RNF13: variants seen among roughly 807,000 people sequenced by gnomAD.
RNF13 encodes ring finger protein 13.
Under a neutral mutation model 37.7 loss-of-function variants are expected in RNF13, and 19 were observed. That is an observed-to-expected ratio of 0.50 (90% CI 0.35 to 0.74). The LOEUF is 0.74. Ranked by LOEUF, RNF13 falls within the 30% of genes least tolerant of loss-of-function variation. RNF13 has a pLI of 0.01. For missense variants in RNF13, 375 were observed against 453.0 expected (o/e 0.83, Z 1.56); for synonymous variants, 144 against 157.8 (o/e 0.91, Z 0.65).
intron 8 of RNF13, among the ~76,000 whole-genome samples, chr3:149,949,429 C>CT (rs76888636): frequency 0.026 from 3,541 of 136,652 alleles, 71 homozygotes; most frequent in African/African-American, 0.055. Context: ...TACTGGGTTG[C>CT]TTTTTTTTTT....
At chr3:149,834,075 T>C (rs1243149330) in intron 1 of RNF13, among the ~76,000 whole-genome samples, 1 of 152,166 alleles carries the variant, frequency 6.6e-6, no homozygotes, top group African/African-American at 2.4e-5. Context: ...GGAAGAATTG[T>C]ACACTGAAAA....
intron 8 of RNF13, among the ~76,000 whole-genome samples, chr3:149,927,287 G>A (rs1336063228): frequency 6.6e-6 from 1 of 152,172 alleles, no homozygotes; most frequent in East Asian, 1.9e-4. Flanking sequence ...TGTTTTCAAG[G>A]ATTATCGATG....
At chr3:149,868,059 C>A (rs973555530) in intron 3 of RNF13, among the ~76,000 whole-genome samples, 2 of 151,936 alleles carry the variant, frequency 1.3e-5, no homozygotes, top group African/African-American at 4.8e-5. Context: ...AAAAAATCTT[C>A]TACACTTTAA....
In RNF13 at chr3:149,858,768, A is replaced by G. The variant is rs1054657425; in HGVS notation, c.195+6172A>G. On this transcript the variant is annotated intron_variant, in intron 3 of 9. Transcript: ENST00000392894. Reference sequence around the variant, plus strand: ...AAGCAGTTTTTCTTATATGATGTATAATTTATTTCCCCTCATCATTATTCA... The same window carrying G: ...AAGCAGTTTTTCTTATATGATGTATGATTTATTTCCCCTCATCATTATTCA... Among the ~76,000 whole-genome samples, 8 of 152,176 alleles carry G rather than the reference A, an allele frequency of 5.3e-5. No individual in the cohort carries two copies. The East Asian group carries it at 1.5e-3, about 29-fold the overall frequency.
chr3:149,855,622 G>A (rs1394275734), intron 3 of RNF13, among the ~76,000 whole-genome samples: 2 of 150,804 alleles, frequency 1.3e-5, no homozygotes, highest in Non-Finnish European at 3.0e-5. Flanking sequence ...ATATGTGTGT[G>A]TATATATATA....
At chr3:149,825,294 A>G (rs989562861) in intron 1 of RNF13, among the ~76,000 whole-genome samples, 2 of 151,860 alleles carry the variant, frequency 1.3e-5, no homozygotes, top group Non-Finnish European at 2.9e-5. Context: ...CAGCCTCCTA[A>G]GTAGCCGGGA....
At chr3:149,921,459 A>G (rs1264117346) in intron 8 of RNF13, among the ~76,000 whole-genome samples, 3 of 148,052 alleles carry the variant, frequency 2.0e-5, no homozygotes, top group Admixed American at 2.0e-4. Flanking sequence ...CCAGCCCTCC[A>G]CCCCCCAACA....
chr3:149,851,763 C>T (rs969218254), intron 2 of RNF13: 1 of 152,132 alleles, frequency 6.6e-6, no homozygotes, highest in African/African-American at 2.4e-5. Context: ...AGGTTTCATC[C>T]ATTTCCCTTG....
intron 8 of RNF13, among the ~76,000 whole-genome samples, chr3:149,927,184 C>A (rs1157384658): frequency 6.6e-6 from 1 of 152,212 alleles, no homozygotes; most frequent in Admixed American, 6.5e-5. Context: ...CACCATTCTA[C>A]TTACTGTCTC....
intron 8 of RNF13, among the ~76,000 whole-genome samples, chr3:149,932,943 C>T (rs1375036873): frequency 6.6e-6 from 1 of 152,256 alleles, no homozygotes; most frequent in African/African-American, 2.4e-5. Context: ...TGTCCTGGGA[C>T]AGACTTCTGC....
In RNF13 at chr3:149,960,140, T is replaced by G. The variant is rs767169484; in HGVS notation, c.781+4T>G. The G allele has an allele frequency of 6.3e-7, 1 of 1,576,668 alleles. No homozygotes were observed. Among genetic ancestry groups the G allele is most frequent in the Non-Finnish European group, 8.7e-7 (1 of 1,146,342 alleles). ...AGAATCCTTCCCTGTTCCCATGGTATGAGTAATTACGTACTGCTTTGAATT... is the reference window on the plus strand; with the variant it reads ...AGAATCCTTCCCTGTTCCCATGGTAGGAGTAATTACGTACTGCTTTGAATT... On this transcript the variant is annotated splice_donor_region_variant and intron_variant, in intron 9 of 9. Transcript: ENST00000392894.
chr3:149,877,472 C>CTTTTTTTTTTTTT (rs369676407), intron 4 of RNF13, among the ~76,000 whole-genome samples: 10 of 101,484 alleles, frequency 9.9e-5, no homozygotes, highest in Non-Finnish European at 1.4e-4. Flanking sequence ...TTCTTTCTGT[C>CTTTTTTTTTTTTT]TTTTTTTTTT....
intron 3 of RNF13, among the ~76,000 whole-genome samples, chr3:149,860,617 A>G (rs187347068): frequency 3.5e-4 from 54 of 152,248 alleles, no homozygotes; most frequent in African/African-American, 1.2e-3. Context: ...ACAAAAATCA[A>G]CTCAAGATGG....
At chr3:149,843,290 A>G (rs992765765) in intron 1 of RNF13, among the ~76,000 whole-genome samples, 9 of 152,204 alleles carry the variant, frequency 5.9e-5, no homozygotes, top group Non-Finnish European at 1.5e-5. Context: ...AGATTCTGGT[A>G]TCCGCAGGGA....
intron 2 of RNF13, among the ~76,000 whole-genome samples, chr3:149,851,937 G>A (rs1723158708): frequency 6.6e-6 from 1 of 152,118 alleles, no homozygotes; most frequent in Admixed American, 6.6e-5. Context: ...ATATCTGTGT[G>A]GAAGGGGGAA....
Position 149,951,591 on chromosome 3 carries a change from CTCTT to C in RNF13, c.701-8461_701-8458del, listed in dbSNP as rs561380510. ...GAACCATGCTTCAGTCCACCCCTGCCTCTTTCTACTTTAGTTGGGGTTGTTTGTA... is the reference window on the plus strand; with the variant it reads ...GAACCATGCTTCAGTCCACCCCTGCCTCTACTTTAGTTGGGGTTGTTTGTA... On this transcript the variant is annotated intron_variant, in intron 8 of 9. Transcript: ENST00000392894. Among the ~76,000 whole-genome samples, 18 of 152,242 alleles carry C rather than the reference CTCTT, an allele frequency of 1.2e-4. 1 individual carries two copies. The highest frequency in any genetic ancestry group is 1.0e-3 in the Admixed American group (16 of 15,284).
intron 5 of RNF13, among the ~76,000 whole-genome samples, chr3:149,896,419 CA>C (rs1249636215): frequency 6.6e-6 from 1 of 151,458 alleles, no homozygotes; most frequent in African/African-American, 2.4e-5. Flanking sequence ...ATTCCTTAAC[CA>C]AAAAGTCTTC....
intron 8 of RNF13, among the ~76,000 whole-genome samples, chr3:149,958,804 A>G (rs770819960): frequency 2.8e-4 from 43 of 152,338 alleles, no homozygotes; most frequent in African/African-American, 9.1e-4. Context: ...AATTCCACAC[A>G]CAAGATTCTA....
At chr3:149,958,184 A>C (rs761125272) in intron 8 of RNF13, among the ~76,000 whole-genome samples, 31 of 152,230 alleles carry the variant, frequency 2.0e-4, no homozygotes, top group Non-Finnish European at 3.7e-4. Flanking sequence ...CAAAAGCTTA[A>C]TGCCCTAAAA....
Sources: allele counts gnomAD v4.1 joint callset (sites outside exome capture counted in the v4.1 genomes callset), GRCh38; gene constraint gnomAD v4.1.1; transcripts MANE v1.5; gene names NCBI Gene and HGNC (gene_info 2026-07-23, HGNC 2026-07-21).